LEPR: variants seen among roughly 807,000 people sequenced by gnomAD.
The protein encoded by LEPR is leptin receptor.
LEPR carries 56 observed loss-of-function variants against 114.7 expected under a neutral mutation model. That is an observed-to-expected ratio of 0.49 (90% CI 0.39 to 0.61). The LOEUF (loss-of-function observed/expected upper bound fraction) is 0.61, where lower values mean the gene tolerates loss of function less well. Ranked by LOEUF, LEPR falls within the 20% of genes least tolerant of loss-of-function variation. LEPR has a pLI of 0.00. For missense variants in LEPR, 1,202 were observed against 1,352.9 expected, an observed-to-expected ratio of 0.89 and a Z score of 1.75; for synonymous variants, 443 against 461.4, an observed-to-expected ratio of 0.96 and a Z score of 0.51.
At chr1:65,423,661 AAC>A (rs1405483599) in intron 1 of LEPR, among the ~76,000 whole-genome samples, 5 of 151,976 alleles carry the variant, frequency 3.3e-5, no homozygotes, top group African/African-American at 1.2e-4. Flanking sequence ...TTTGTCCCTT[AAC>A]ATGTGTATAC....
At chr1:65,453,352 A>G (rs1311023121) in intron 2 of LEPR, among the ~76,000 whole-genome samples, 3 of 151,884 alleles carry the variant, frequency 2.0e-5, no homozygotes, top group Non-Finnish European at 4.4e-5. Flanking sequence ...TGCTTCTCTA[A>G]TTCTTTTAAT....
chr1:65,623,962 C>T (rs937041065), intron 19 of LEPR, among the ~76,000 whole-genome samples: 4 of 152,094 alleles, frequency 2.6e-5, no homozygotes, highest in African/African-American at 9.7e-5. Flanking sequence ...CTTCCTTTAA[C>T]CAGTGTAATT....
At chr1:65,483,123 A>G (rs1647301149) in intron 2 of LEPR, among the ~76,000 whole-genome samples, 1 of 152,172 alleles carries the variant, frequency 6.6e-6, no homozygotes, top group Non-Finnish European at 1.5e-5. Context: ...AAATTTGAGC[A>G]CATTAAGAAC....
chr1:65,557,858 T>C (rs1437039593), intron 2 of LEPR, among the ~76,000 whole-genome samples: 1 of 152,234 alleles, frequency 6.6e-6, no homozygotes, highest in African/African-American at 2.4e-5. Context: ...ATGTCCTTTT[T>C]ACACTTGTGA....
intron 2 of LEPR, among the ~76,000 whole-genome samples, chr1:65,442,039 G>A (rs1030033632): frequency 3.9e-5 from 6 of 152,164 alleles, no homozygotes; most frequent in South Asian, 2.1e-4. Context: ...GCAAAGAGGC[G>A]TGAGACACAG....
chr1:65,604,608 C>T (rs1297764714), intron 10 of LEPR, among the ~76,000 whole-genome samples: 2 of 152,188 alleles, frequency 1.3e-5, no homozygotes, highest in Admixed American at 6.5e-5. Flanking sequence ...TGAGCCACCG[C>T]ACCGGGCCTT....
intron 5 of LEPR, among the ~76,000 whole-genome samples, chr1:65,590,707 A>C (rs1050517201): frequency 3.9e-5 from 6 of 152,150 alleles, no homozygotes; most frequent in Middle Eastern, 3.4e-3. Context: ...ATTTCTTCCT[A>C]GCAGCATAAG....
At chr1:65,596,276 G>A (rs958262563) in intron 6 of LEPR, among the ~76,000 whole-genome samples, 172 bp from the exon 7 acceptor site, 2 of 152,082 alleles carry the variant, frequency 1.3e-5, no homozygotes, top group Non-Finnish European at 2.9e-5. Context: ...GTACAAGGAC[G>A]AGACCCAGTA....
chr1:65,518,911 TTCTTTCTCTCTTTC>T (rs1491102880), intron 2 of LEPR, among the ~76,000 whole-genome samples: 1 of 85,228 alleles, frequency 1.2e-5, no homozygotes, highest in South Asian at 3.3e-4. Flanking sequence ...CTTTCTTTCT[TTCTTTCTCTCTTTC>T]TCTGTTTCTT....
At chr1:65,469,798 C>T (rs1647060061) in intron 2 of LEPR, among the ~76,000 whole-genome samples, 1 of 152,202 alleles carries the variant, frequency 6.6e-6, no homozygotes, top group Non-Finnish European at 1.5e-5. Flanking sequence ...TGAGCTTTAA[C>T]ACCAATAAGT....
At chr1:65,528,893 C>T (rs1258361467) in intron 2 of LEPR, among the ~76,000 whole-genome samples, 1 of 152,126 alleles carries the variant, frequency 6.6e-6, no homozygotes, top group Non-Finnish European at 1.5e-5. Flanking sequence ...CAACCTCCGC[C>T]TCCCAGGTTC....
At chr1:65,547,524 A>G (rs1190317006) in intron 2 of LEPR, among the ~76,000 whole-genome samples, 16 of 151,494 alleles carry the variant, frequency 1.1e-4, no homozygotes, top group African/African-American at 3.6e-4. Flanking sequence ...CTTCTTCCTG[A>G]TTTAGTCTTG....
At position 65,621,422 on chromosome 1, in the gene LEPR, T is replaced by C. The variant is rs1241213236; in HGVS notation, c.2561T>C (p.Ile854Thr). The C allele has an allele frequency of 6.2e-7, 1 of 1,613,398 alleles. No homozygotes were observed. The highest frequency in any genetic ancestry group is 1.1e-5 in the South Asian group (1 of 91,074). ...VIVPVIISSS[I>T]LLLGTLLISH... ...GTGCCAGTAATTATTTCCTCTTCCA[T>C]CTTATTGCTTGGAACATTATTAATA... The change falls in exon 18 of 20, where the codon ATC becomes ACC. Residue 854 changes from isoleucine to threonine, a missense_variant. Ile to Thr is a moderately conservative substitution (Grantham distance 89). Coordinates refer to ENST00000349533, the MANE Select transcript of LEPR (RefSeq NM_002303.6).
At chr1:65,543,566 T>G (rs1017881326) in intron 2 of LEPR, among the ~76,000 whole-genome samples, 3 of 152,068 alleles carry the variant, frequency 2.0e-5, no homozygotes, top group Non-Finnish European at 4.4e-5. Context: ...TGAATGGTGT[T>G]GCCTAGGTTT....
intron 5 of LEPR, among the ~76,000 whole-genome samples, chr1:65,575,457 T>TA (rs3838396): frequency 0.01 from 1,547 of 149,862 alleles, 94 homozygotes; most frequent in African/African-American, 0.037. Flanking sequence ...AACTATACTT[T>TA]AAAAAAAAAA....
chr1:65,421,263 G>T (rs934399205), intron 1 of LEPR: 4 of 1,452,176 alleles, frequency 2.8e-6, no homozygotes, highest in East Asian at 2.5e-5. Flanking sequence ...TCTCGCAGTC[G>T]TGGAGAGTAG....
At chr1:65,521,481 G>T (rs11208662) in intron 2 of LEPR, among the ~76,000 whole-genome samples, 4 of 151,984 alleles carry the variant, frequency 2.6e-5, no homozygotes, top group Non-Finnish European at 5.9e-5. Context: ...TGTAATTGGG[G>T]ACTGCAGCCT....
Position 65,592,863 on chromosome 1 carries a change from T to C in LEPR, c.701T>C (p.Met234Thr). Residue 234 changes from methionine (M) to threonine (T), a missense_variant and splice_region_variant, in exon 6 of 20, where the codon ATG (methionine) becomes ACG (threonine). Coordinates refer to ENST00000349533, the MANE Select transcript of LEPR (RefSeq NM_002303.6). ...SPLMSVQPINMVKPDPPLGLH... is the reference protein window; with the variant it reads ...SPLMSVQPINTVKPDPPLGLH... ...CTAATGTCAGTTCAGCCCATAAATA[T>C]GGGTAAGTTATGCACTAAAATGATG... 2 of 1,612,890 alleles carry C rather than the reference T, an allele frequency of 1.2e-6. No homozygotes were observed. Among genetic ancestry groups the C allele is most frequent in the Non-Finnish European group, 8.5e-7 (1 of 1,179,154 alleles).
At chr1:65,558,694 C>T (rs1285449019) in intron 2 of LEPR, among the ~76,000 whole-genome samples, 1 of 43,064 alleles carries the variant, frequency 2.3e-5, no homozygotes, top group African/African-American at 1.1e-4. Flanking sequence ...TGCTATCCCT[C>T]CCCCCTCCCC....
Sources: gnomAD v4.1 joint callset for allele counts (sites outside exome capture counted in the v4.1 genomes callset) on GRCh38, gnomAD v4.1.1 for gene constraint, MANE v1.5 for transcripts, NCBI Gene and HGNC (gene_info 2026-07-23, HGNC 2026-07-21) for gene names.